Variants in GRIN3A observed in about 807,000 individuals in gnomAD.
GRIN3A encodes glutamate ionotropic receptor NMDA type subunit 3A.
In GRIN3A, 47 loss-of-function variants were observed where a neutral mutation model predicts 92.4. The observed-to-expected ratio is 0.51, with a 90% CI of 0.40 to 0.65. GRIN3A has a LOEUF of 0.65. Among genes scored for constraint, GRIN3A ranks in the 30% least tolerant of loss-of-function variants. The pLI, the probability that GRIN3A is intolerant of heterozygous loss-of-function variation, is 0.00. For synonymous variants in GRIN3A, 527 were observed against 540.6 expected, an observed-to-expected ratio of 0.97 and a Z score of 0.35; for missense variants, 1,324 against 1,393.1, an observed-to-expected ratio of 0.95 and a Z score of 0.79.
chr9:101,663,865 CT>C (rs71356374), intron 3 of GRIN3A, among the ~76,000 whole-genome samples: 19,186 of 144,772 alleles, frequency 0.13, 1,287 homozygotes, highest in Admixed American at 0.19. Flanking sequence ...TTTTCTTTTT[CT>C]TTTTTTTTTT....
intron 7 of GRIN3A, among the ~76,000 whole-genome samples, chr9:101,578,358 GA>G (rs925195169): frequency 5.1e-4 from 74 of 145,380 alleles, no homozygotes; most frequent in African/African-American, 1.2e-3. Context: ...AACCTATCTA[GA>G]AAAAAAAAAA....
At chr9:101,595,062 G>A in intron 6 of GRIN3A, 1 of 899,206 alleles carries the variant, frequency 1.1e-6, no homozygotes, top group Non-Finnish European at 1.7e-6. Flanking sequence ...GAGCAAAAGG[G>A]CAGGGGAGCG....
At chr9:101,634,436 T>C (rs896705281) in intron 3 of GRIN3A, among the ~76,000 whole-genome samples, 2 of 150,534 alleles carry the variant, frequency 1.3e-5, no homozygotes, top group Non-Finnish European at 3.0e-5. Context: ...TATCTGAATA[T>C]ATAATAATAA....
At chr9:101,594,745 G>A in intron 6 of GRIN3A, 2 of 1,614,096 alleles carry the variant, frequency 1.2e-6, no homozygotes, top group Non-Finnish European at 1.7e-6. Flanking sequence ...CGAAGACGTC[G>A]ATCACTCGCC....
intron 8 of GRIN3A, among the ~76,000 whole-genome samples, chr9:101,573,860 C>A (rs555444217): frequency 6.7e-6 from 1 of 148,862 alleles, no homozygotes; most frequent in South Asian, 2.1e-4. Flanking sequence ...ACTAGCCACA[C>A]CTTGAAACGT....
At chr9:101,674,425 A>T (rs547274668) in intron 2 of GRIN3A, among the ~76,000 whole-genome samples, 2 of 152,246 alleles carry the variant, frequency 1.3e-5, no homozygotes, top group African/African-American at 2.4e-5. Flanking sequence ...GGGCTAAGGC[A>T]GTAGCAGAAA....
chr9:101,596,997 A>G (rs1432010783), intron 6 of GRIN3A, among the ~76,000 whole-genome samples: 1 of 152,214 alleles, frequency 6.6e-6, no homozygotes, highest in Non-Finnish European at 1.5e-5. Flanking sequence ...CATGCCCATG[A>G]AGCTGGCCCT....
intron 6 of GRIN3A, chr9:101,594,211 CT>C (rs1411075525): frequency 4.4e-5 from 28 of 643,166 alleles, no homozygotes; most frequent in Non-Finnish European, 5.8e-5. Context: ...GCTCTTCCCC[CT>C]ATAGGGTACC....
intron 5 of GRIN3A, among the ~76,000 whole-genome samples, chr9:101,618,408 AAAG>A (rs773643966): frequency 2.8e-4 from 43 of 152,182 alleles, no homozygotes; most frequent in Admixed American, 3.9e-4. Context: ...ACACTTCTGA[AAAG>A]AAGACATTTA....
chr9:101,583,861 T>G (rs1459954249), intron 6 of GRIN3A, among the ~76,000 whole-genome samples: 3 of 152,100 alleles, frequency 2.0e-5, no homozygotes, highest in Admixed American at 6.5e-5. Context: ...TTGATTGATT[T>G]GATTGGATTT....
intron 1 of GRIN3A, among the ~76,000 whole-genome samples, chr9:101,691,324 C>A: frequency 6.6e-6 from 1 of 152,000 alleles, no homozygotes. Flanking sequence ...TAAACACTTC[C>A]TATAACTAGA....
intron 4 of GRIN3A, 88 bp downstream of exon 4, chr9:101,628,168 T>G: frequency 7.3e-7 from 1 of 1,365,070 alleles, no homozygotes. Context: ...CATCTGTCAT[T>G]TTCAGAAACT....
chr9:101,656,127 G>C (rs113747441), intron 3 of GRIN3A, among the ~76,000 whole-genome samples: 2 of 151,988 alleles, frequency 1.3e-5, no homozygotes, highest in African/African-American at 4.8e-5. Flanking sequence ...ACAGGGGAAA[G>C]AACAAGGGTA....
chr9:101,713,319 G>A (rs568979010), intron 1 of GRIN3A, among the ~76,000 whole-genome samples: 1 of 152,324 alleles, frequency 6.6e-6, no homozygotes, highest in East Asian at 1.9e-4. Flanking sequence ...ACATGGAACT[G>A]ACAGCTGTGT....
At chr9:101,649,916 GAGAGTGCTAAT>G (rs1828991619) in intron 3 of GRIN3A, among the ~76,000 whole-genome samples, 1 of 152,008 alleles carries the variant, frequency 6.6e-6, no homozygotes, top group South Asian at 2.1e-4. Context: ...TTTTGTCTCT[GAGAGTGCTAAT>G]ATGGCTGAAC....
intron 1 of GRIN3A, among the ~76,000 whole-genome samples, chr9:101,728,076 G>T (rs10116272): frequency 2.0e-5 from 3 of 151,964 alleles, no homozygotes; most frequent in African/African-American, 7.3e-5. Flanking sequence ...TTTGTTTAAA[G>T]GAATCTCTGT....
chr9:101,686,655 G>T lies in GRIN3A; in HGVS notation c.1245C>A (p.Ser415Arg). 6.2e-7 allele frequency: 1 copy of T among 1,614,126 alleles called. No individual in the cohort carries two copies. Among genetic ancestry groups the T allele is most frequent in the Non-Finnish European group, 8.5e-7 (1 of 1,179,992 alleles). ...MIQPELALIP[S>R]TMNCMEVETT... ...TTTCCACCTCCATGCAGTTCATCGT[G>T]CTGGGAATGAGAGCAAGTTCTGGTT... Residue 415 changes from serine (S) to arginine (R), a missense_variant, in exon 2 of 9, where the codon AGC (serine) becomes AGA (arginine). By Grantham distance (110) the Ser-to-Arg change is moderately radical. Coordinates refer to ENST00000361820, the MANE Select transcript of GRIN3A (RefSeq NM_133445.3).
In GRIN3A at chr9:101,590,437, A is replaced by G. The variant is rs1234212207; in HGVS notation, c.2767-11077T>C. 2.6e-5 allele frequency among the ~76,000 whole-genome samples: 4 copies of G among 151,700 alleles called. No individual in the cohort carries two copies. The East Asian group carries it at 7.8e-4, about 29-fold the overall frequency. ...CGCTCTGTCACCCAGGCTGGAGTGCAGTGGTGTGATCTCAGCTCACTGCAA... is the reference window on the plus strand; with the variant it reads ...CGCTCTGTCACCCAGGCTGGAGTGCGGTGGTGTGATCTCAGCTCACTGCAA... On this transcript the variant is annotated intron_variant, in intron 6 of 8. Transcript: ENST00000361820.
In GRIN3A at chr9:101,579,424, A is replaced by C. The variant is rs1455263609; in HGVS notation, c.2767-64T>G. On this transcript the variant is annotated intron_variant, in intron 6 of 8. Transcript: ENST00000361820. ...GATATACCTGGCCCAATGCTTGTGT[A>C]CTCTTTGGTTTTCAGATGGATATTC... 5.9e-6 allele frequency: 9 copies of C among 1,535,508 alleles called. No individual in the cohort carries two copies. The African/African-American group carries it at 8.2e-5, about 14-fold the overall frequency.
Sources: allele counts gnomAD v4.1 joint callset (sites outside exome capture counted in the v4.1 genomes callset), GRCh38; gene constraint gnomAD v4.1.1; transcripts MANE v1.5; gene names NCBI Gene and HGNC (gene_info 2026-07-23, HGNC 2026-07-21).